Variants in TRAPPC8 observed in about 807,000 individuals in gnomAD.
TRAPPC8 encodes general sporulation gene 1 homolog.
Under a neutral mutation model 174.3 loss-of-function variants are expected in TRAPPC8, and 54 were observed. The observed-to-expected ratio is 0.31, with a 90% CI of 0.25 to 0.39. TRAPPC8 has a LOEUF of 0.39. Ranked by LOEUF, TRAPPC8 falls within the 10% of genes least tolerant of loss-of-function variation. TRAPPC8 has a pLI of 1.00. For synonymous variants in TRAPPC8, 630 were observed against 579.9 expected, an observed-to-expected ratio of 1.09 and a Z score of -1.24; for missense variants, 1,531 against 1,699.1, an observed-to-expected ratio of 0.90 and a Z score of 1.74.
At chr18:31,928,851 G>C (rs1448870666) in intron 2 of TRAPPC8, among the ~76,000 whole-genome samples, 8 of 152,132 alleles carry the variant, frequency 5.3e-5, no homozygotes, top group Non-Finnish European at 1.5e-5. Context: ...CTGCAAAACA[G>C]AATCACATAT....
rs1568151616 is a variant in TRAPPC8 at position 31,931,422 on chromosome 18, T to C, written c.259A>G (p.Lys87Glu). 4 of 1,613,620 alleles carry C rather than the reference T, an allele frequency of 2.5e-6. No homozygotes were observed. The highest frequency in any genetic ancestry group is 1.7e-5 in the Admixed American group (1 of 59,962). ...TQPPQPGAIR[K>E]LLNDVVSGSQ... is the part of the protein sequence containing the mutation. ...CCAGAAACAACATCATTCAAAAGCT[T>C]CCGGATGGCTCCAGGCTGAGGTGGC... is the stretch of plus-strand genomic sequence containing the variant. The change falls in exon 2 of 29, where the codon AAG becomes GAG. Residue 87 changes from lysine (K) to glutamate (E), a missense_variant. Physicochemically the swap from Lys to Glu is moderately conservative, Grantham distance 56 (BLOSUM62 1). Transcript: ENST00000283351.
intron 14 of TRAPPC8, among the ~76,000 whole-genome samples, chr18:31,872,801 T>C (rs1421784388): frequency 1.3e-5 from 2 of 152,152 alleles, no homozygotes; most frequent in African/African-American, 4.8e-5. Flanking sequence ...TTATAAGCAC[T>C]GAATAGAATA....
intron 1 of TRAPPC8, among the ~76,000 whole-genome samples, chr18:31,938,228 T>C (rs988126685): frequency 1.3e-5 from 2 of 152,050 alleles, no homozygotes; most frequent in Non-Finnish European, 2.9e-5. Flanking sequence ...CCACGACTCT[T>C]TGAAACATGG....
chr18:31,914,176 AC>A (rs1348122261), intron 4 of TRAPPC8, among the ~76,000 whole-genome samples: 15 of 151,680 alleles, frequency 9.9e-5, no homozygotes, highest in East Asian at 1.9e-4. Context: ...AAAAAAAAAA[AC>A]AACCTGGAAA....
rs780375437 is a variant in TRAPPC8, at chr18:31,897,852, A to G, written c.1530T>C (p.Ala510=). The change falls in exon 11 of 29, where the codon GCT becomes GCC. Residue 510 remains alanine, a synonymous_variant. Coordinates refer to ENST00000283351, the MANE Select transcript of TRAPPC8 (RefSeq NM_014939.5). ...ATTTGCTTTGGCTTTTTAAAAGTTC[A>G]GCACTAAGCAACACACATCTTTCAG... ...VLAERCVLLS[A]ELLKSQSKYS... 6.2e-7 allele frequency: 1 copy of G among 1,611,678 alleles called. No individual in the cohort carries two copies. The highest frequency in any genetic ancestry group is 1.1e-5 in the South Asian group (1 of 90,696).
rs1347098639 is a variant in TRAPPC8 at position 31,871,127 on chromosome 18, A to G, written c.2063-7T>C. ...GTAGCTGCTTGTTTTTCACCTAAAAAAAATTTGTTAACAACACGTTTATGA... is the reference window on the plus strand; with the variant it reads ...GTAGCTGCTTGTTTTTCACCTAAAAGAAATTTGTTAACAACACGTTTATGA... On this transcript the variant is annotated splice_region_variant and splice_polypyrimidine_tract_variant and intron_variant, in intron 14 of 28. Coordinates refer to ENST00000283351, the MANE Select transcript of TRAPPC8 (RefSeq NM_014939.5). 6 of 1,514,334 alleles carry G rather than the reference A, an allele frequency of 4.0e-6. No homozygotes were observed. In the African/African-American group the frequency reaches 6.9e-5, roughly 18 times the overall value. The allele number at this position is 1,514,334 out of a possible 1,614,324, so 93.8% of individuals were successfully genotyped here.
rs767455138 is a variant in TRAPPC8 at position 31,917,645 on chromosome 18, A to G, written c.375T>C (p.Ser125=). Residue 125 remains serine (S), a synonymous_variant, in exon 3 of 29, where the codon TCT becomes TCC. Coordinates refer to ENST00000283351, the MANE Select transcript of TRAPPC8 (RefSeq NM_014939.5). ...NISATTPWFE[S]YRETFLQSMP... ...TCGACTGAAGAAAGGTTTCTCTGTA[A>G]GACTCAAACCATGGAGTAGTGGCTA... 9.3e-6 allele frequency: 15 copies of G among 1,613,372 alleles called. No homozygotes were observed. In the East Asian group the frequency reaches 3.1e-4, roughly 34 times the overall value.
intron 21 of TRAPPC8, 134 bp from the exon 22 acceptor site, chr18:31,854,079 C>T: frequency 1.5e-6 from 1 of 676,544 alleles, no homozygotes; most frequent in Admixed American, 3.3e-5. Flanking sequence ...ATATACATTT[C>T]CAAAAACTTA....
rs760380465 is a variant in TRAPPC8, at chr18:31,909,693, A to C, written c.839T>G (p.Leu280Trp). The change falls in exon 6 of 29, where the codon TTG (leucine) becomes TGG (tryptophan). Residue 280 changes from leucine to tryptophan, a missense_variant. Physicochemically the swap from Leu to Trp is moderately conservative, Grantham distance 61. Transcript: ENST00000283351. ...TTTGACTTCGTTATCTAATCCATCC[A>C]ATGAAAGCAAGTTATTATCAGAATT... The part of the protein sequence containing the change: ...NKNSDNNLLS[L>W]DGLDNEVKDG... 6.2e-7 allele frequency: 1 copy of C among 1,601,644 alleles called. No homozygotes were observed. Among genetic ancestry groups the C allele is most frequent in the Non-Finnish European group, 8.5e-7 (1 of 1,176,692 alleles).
intron 26 of TRAPPC8, among the ~76,000 whole-genome samples, chr18:31,840,990 T>TA (rs776082366): frequency 3.7e-4 from 56 of 151,150 alleles, no homozygotes; most frequent in Non-Finnish European, 6.9e-4. Flanking sequence ...GACAAGCATA[T>TA]AATCATATGG....
intron 4 of TRAPPC8, among the ~76,000 whole-genome samples, chr18:31,914,541 T>C (rs1050573921): frequency 2.0e-5 from 3 of 152,236 alleles, no homozygotes; most frequent in Non-Finnish European, 2.9e-5. Flanking sequence ...TAGTACACCT[T>C]ATCCAACGGG....
rs556411304 is a variant in TRAPPC8 at position 31,907,602 on chromosome 18, G to T, written c.1247C>A (p.Pro416Gln). 4 of 1,605,464 alleles carry T rather than the reference G, an allele frequency of 2.5e-6. No homozygotes were observed. The South Asian group carries it at 4.5e-5, about 18-fold the overall frequency. ...LKNTSGLLYP[P>Q]EAPELQIRKM... ...CCTGATTTGAAGTTCTGGTGCTTCCGGCGGATACCTGTAAATACAAAAGAA... is the reference window on the plus strand; with the variant it reads ...CCTGATTTGAAGTTCTGGTGCTTCCTGCGGATACCTGTAAATACAAAAGAA... The change falls in exon 9 of 29, where the codon CCG becomes CAG. Residue 416 changes from proline to glutamine, a missense_variant. By Grantham distance (76) the Pro-to-Gln change is moderately conservative. Transcript: ENST00000283351.
chr18:31,929,902 ATTTT>A (rs2037778657), intron 2 of TRAPPC8, among the ~76,000 whole-genome samples: 3 of 152,234 alleles, frequency 2.0e-5, no homozygotes, highest in African/African-American at 7.2e-5. Flanking sequence ...AGAAATTCAG[ATTTT>A]TTTGACTGGT....
Position 31,830,645 on chromosome 18 carries a change from GGATCA to G in TRAPPC8, c.*105_*109del. 1.2e-6 allele frequency: 1 copy of G among 856,706 alleles called. No individual in the cohort carries two copies. The highest frequency in any genetic ancestry group is 1.8e-5 in the South Asian group (1 of 55,082). The allele number at this position is 856,706 out of a possible 1,614,324, so 53.1% of individuals were successfully genotyped here. On this transcript the variant is annotated 3_prime_UTR_variant, in exon 29 of 29. Transcript: ENST00000283351. ...AATGACAAGTCAAAGTATTTTGCAG[GGATCA>G]GATATCAATCAACCTCCATAACAAG...
At chr18:31,928,534 G>GA (rs951117879) in intron 2 of TRAPPC8, among the ~76,000 whole-genome samples, 29 of 149,334 alleles carry the variant, frequency 1.9e-4, no homozygotes, top group Admixed American at 4.0e-4. Flanking sequence ...TTAAAAATAA[G>GA]AAAAAAAAAT....
In TRAPPC8 at chr18:31,871,624, T is replaced by A. The variant is rs115158957; in HGVS notation, c.2063-504A>T. ...CATTTTCATCCATGATTTTACCACA[T>A]AAGTATATCTAAAAAATGCATAAAA... On this transcript the variant is annotated intron_variant, in intron 14 of 28. Coordinates refer to ENST00000283351, the MANE Select transcript of TRAPPC8 (RefSeq NM_014939.5). Among the ~76,000 whole-genome samples, 450 of 152,204 alleles carry A rather than the reference T, an allele frequency of 3.0e-3. 2 individuals are homozygous for A. Among genetic ancestry groups the A allele is most frequent in the African/African-American group, 9.7e-3 (404 of 41,546 alleles).
Position 31,866,903 on chromosome 18 carries a change from T to G in TRAPPC8, c.2536A>C (p.Ile846Leu). The G allele has an allele frequency of 1.2e-6, 2 of 1,613,740 alleles. No individual in the cohort carries two copies. Among genetic ancestry groups the G allele is most frequent in the Non-Finnish European group, 1.7e-6 (2 of 1,179,780 alleles). Reference sequence around the variant, plus strand: ...CCATCTACTGTCATAGAGCCCTGAATAGTGCCAAGATTATAAACAACTCCC... The same window carrying G: ...CCATCTACTGTCATAGAGCCCTGAAGAGTGCCAAGATTATAAACAACTCCC... Reference protein sequence around the residue: ...ILGVVYNLGTIQGSMTVDGIG... With the variant: ...ILGVVYNLGTLQGSMTVDGIG... Residue 846 changes from isoleucine to leucine, a missense_variant, in exon 18 of 29, where the codon ATT (isoleucine) becomes CTT (leucine). Coordinates refer to ENST00000283351, the MANE Select transcript of TRAPPC8 (RefSeq NM_014939.5).
intron 27 of TRAPPC8, among the ~76,000 whole-genome samples, chr18:31,836,091 A>G (rs978311920): frequency 6.6e-6 from 1 of 152,232 alleles, no homozygotes; most frequent in Non-Finnish European, 1.5e-5. Flanking sequence ...GTTATGAAGC[A>G]TTATTGTGGC....
At chr18:31,857,190 C>T (rs147293134) in intron 20 of TRAPPC8, among the ~76,000 whole-genome samples, 2 of 152,206 alleles carry the variant, frequency 1.3e-5, no homozygotes, top group African/African-American at 2.4e-5. Flanking sequence ...ATGACTGAGA[C>T]GACCAGGCAG....
Sources: gnomAD v4.1 joint callset for allele counts (sites outside exome capture counted in the v4.1 genomes callset) on GRCh38, gnomAD v4.1.1 for gene constraint, MANE v1.5 for transcripts, NCBI Gene and HGNC (gene_info 2026-07-23, HGNC 2026-07-21) for gene names.